The following IFT140 variants were observed in gnomAD, a reference collection of about 807,000 sequenced individuals.
The protein encoded by IFT140 is intraflagellar transport protein 140 homolog.
IFT140 carries 133 observed loss-of-function variants against 164.6 expected under a neutral mutation model. The observed-to-expected ratio is 0.81, with a 90% confidence interval of 0.70 to 0.93. The LOEUF (loss-of-function observed/expected upper bound fraction) is 0.93. Among genes scored for constraint, IFT140 ranks in the 40% least tolerant of loss-of-function variants. The pLI is 0.00. For synonymous variants in IFT140, 860 were observed against 817.3 expected, an observed-to-expected ratio of 1.05 and a Z score of -0.89; for missense variants, 2,045 against 1,972.3, an observed-to-expected ratio of 1.04 and a Z score of -0.70.
rs1010242310 is a variant in IFT140, at chr16:1,585,084, A to C, written c.1156-664T>G. On this transcript the variant is annotated intron_variant, in intron 10 of 30. Transcript: ENST00000426508. ...TAGAGAACAGGAACAGAGAGAAATC[A>C]TAAGAAAGAACCAAATGCTGCAGAG... Among the ~76,000 whole-genome samples the C allele has an allele frequency of 3.3e-5, 5 of 152,260 alleles. No homozygotes were observed. In the South Asian group the frequency reaches 8.3e-4, roughly 25 times the overall value.
At chr16:1,512,319 G>GTGCTCAGAT (rs1182160810) in intron 30 of IFT140, among the ~76,000 whole-genome samples, 1 of 152,070 alleles carries the variant, frequency 6.6e-6, no homozygotes, top group Non-Finnish European at 1.5e-5. Flanking sequence ...TGTGCGGGCT[G>GTGCTCAGAT]TGCTCAGATG....
intron 19 of IFT140, among the ~76,000 whole-genome samples, chr16:1,544,315 CT>C (rs1205100216): frequency 1.3e-5 from 2 of 151,966 alleles, no homozygotes; most frequent in Non-Finnish European, 2.9e-5. Context: ...TCCTGAGCAG[CT>C]GGGACTACAG....
intron 9 of IFT140, 56 bp from the exon 10 acceptor site, chr16:1,586,331 C>T (rs1371725629): frequency 6.5e-7 from 1 of 1,539,400 alleles, no homozygotes; most frequent in East Asian, 2.3e-5. Context: ...AACAAAACAG[C>T]AACAAGCTCT....
rs148904634 is a variant in IFT140, at chr16:1,566,274, A to G, written c.1788T>C (p.Asp596=). 2,090 of 1,613,584 alleles carry G rather than the reference A, an allele frequency of 1.3e-3. 5 individuals are homozygous for G. Among genetic ancestry groups the G allele is most frequent in the Non-Finnish European group, 1.7e-3 (1,986 of 1,179,574 alleles). ...CAACATCGTAGAAGCAGATTTTGGA[A>G]TCAGGGCTGTTGTCAGCCTAGGAGA... ...ILPSKADNSP[D]SKICFYDVEM... Residue 596 remains aspartate, a synonymous_variant, in exon 16 of 31, where the codon GAT becomes GAC. Transcript: ENST00000426508.
rs548992623 is a variant in IFT140 at position 1,525,900 on chromosome 16, G to A, written c.2755C>T (p.Arg919Trp). 14 of 1,548,176 alleles carry A rather than the reference G, an allele frequency of 9.0e-6. No individual in the cohort carries two copies. The highest frequency in any genetic ancestry group is 3.6e-5 in the South Asian group (3 of 84,268). The change falls in exon 21 of 31, where the codon CGG (arginine) becomes TGG (tryptophan). Residue 919 changes from arginine (R) to tryptophan (W), a missense_variant. Physicochemically the swap from Arg to Trp is moderately radical, Grantham distance 101. Coordinates refer to ENST00000426508, the MANE Select transcript of IFT140 (RefSeq NM_014714.4). ...GGCCGCACTCACTAACTGAGGGCCC[G>A]GCTGCAGTCGGCGCTGGCCTCCAGG... The part of the protein sequence containing the change: ...GHLEASADCS[R>W]ALSYYEKSDT...
chr16:1,520,577 C>T lies in IFT140; in HGVS notation c.3660+25G>A, dbSNP rs764319363. On this transcript the variant is annotated intron_variant, in intron 27 of 30. Coordinates refer to ENST00000426508, the MANE Select transcript of IFT140 (RefSeq NM_014714.4). The stretch of plus-strand genomic sequence containing the variant: ...AGCCTAACTGCCTGTGAGGTAGCCG[C>T]GGGCTGGGGCCGGGAGAGGCTCACC... The T allele has an allele frequency of 5.4e-5, 84 of 1,546,422 alleles. 1 individual carries two copies. Among genetic ancestry groups the T allele is most frequent in the South Asian group, 3.2e-4 (27 of 84,916 alleles).
chr16:1,586,013 C>T (rs2034855001), intron 10 of IFT140, 117 bp downstream of exon 10: 3 of 1,181,320 alleles, frequency 2.5e-6, no homozygotes, highest in Non-Finnish European at 3.7e-6. Flanking sequence ...CCTCATGATC[C>T]ACCCGCCTTG....
chr16:1,541,281 A>C (rs1302628313), intron 19 of IFT140: 1 of 984,696 alleles, frequency 1.0e-6, no homozygotes, highest in Admixed American at 6.1e-5. Context: ...CCAGGAGGTG[A>C]GGGGGGCAGG....
Position 1,583,313 on chromosome 16 carries a change from C to T in IFT140, c.1432+1G>A, listed in dbSNP as rs2034677038. The T allele has an allele frequency of 2.5e-6, 4 of 1,613,830 alleles. No homozygotes were observed. The highest frequency in any genetic ancestry group is 3.4e-6 in the Non-Finnish European group (4 of 1,179,834). On this transcript the variant is annotated splice_donor_variant, in intron 12 of 30. Coordinates refer to ENST00000426508, the MANE Select transcript of IFT140 (RefSeq NM_014714.4). LOFTEE classifies it high-confidence loss of function. ...CCTCTGTCCGGGTGAAAAGAACCCACCTGCACTCCGTATCGCGGCTCCAGA... is the reference window on the plus strand; with the variant it reads ...CCTCTGTCCGGGTGAAAAGAACCCATCTGCACTCCGTATCGCGGCTCCAGA...
intron 19 of IFT140, chr16:1,534,675 G>A (rs1257998008): frequency 1.2e-5 from 17 of 1,423,826 alleles, no homozygotes; most frequent in Admixed American, 3.9e-5. Context: ...TGCCCTGAGC[G>A]TGGCCTCTGG....
rs376781921 is a variant in IFT140, at chr16:1,523,368, G to A, written c.3453+150C>T. The A allele has an allele frequency of 3.5e-5, 26 of 732,624 alleles. No individual in the cohort carries two copies. In the East Asian group the frequency reaches 3.8e-4, roughly 11 times the overall value. The allele number at this position is 732,624 out of a possible 1,614,324, so 45.4% of individuals were successfully genotyped here. ...CACTTGCGGACCTCCTGGGTGTGCCGTATGTGAAACCTAGGGCAGGGGGCA... is the reference window on the plus strand; with the variant it reads ...CACTTGCGGACCTCCTGGGTGTGCCATATGTGAAACCTAGGGCAGGGGGCA... On this transcript the variant is annotated intron_variant, in intron 26 of 30. Transcript: ENST00000426508.
At position 1,564,560 on chromosome 16, in the gene IFT140, T is replaced by C. The variant is rs1339289874; in HGVS notation, c.1902-398A>G. Among the ~76,000 whole-genome samples the C allele has an allele frequency of 6.6e-6, 1 of 152,170 alleles. No individual in the cohort carries two copies. Among genetic ancestry groups the C allele is most frequent in the East Asian group, 1.9e-4 (1 of 5,194 alleles). ...TGGCTCTGTGGTCATGCCGGGTTCC[T>C]TGTCCCCACCGGTCCCTGTGCCATG... On this transcript the variant is annotated intron_variant, in intron 16 of 30. Transcript: ENST00000426508. The surrounding 1 kb of genome is among the most constrained non-coding windows in gnomAD (Gnocchi z 5.5).
intron 19 of IFT140, chr16:1,541,982 G>A: frequency 6.2e-7 from 1 of 1,611,154 alleles, no homozygotes; most frequent in Non-Finnish European, 8.5e-7. Flanking sequence ...CCGCAGGCCA[G>A]CTCACCTTCC....
rs2032595597 is a variant in IFT140, at chr16:1,551,069, TTCC to T, written c.2399+6863_2399+6865del. Among the ~76,000 whole-genome samples, 1 of 152,210 alleles carries T rather than the reference TTCC, an allele frequency of 6.6e-6. No homozygotes were observed. The highest frequency in any genetic ancestry group is 2.4e-5 in the African/African-American group (1 of 41,456). On this transcript the variant is annotated intron_variant, in intron 19 of 30. Transcript: ENST00000426508. This position sits in a 1 kb window ranked among gnomAD's most constrained non-coding sequence, Gnocchi z 4.0. ...GGTCACTCAACTGCCAAGGCTGCTG[TTCC>T]TCCTCGCCTTTCCCGCAGCTCCACA...
Position 1,589,723 on chromosome 16 carries a change from C to T in IFT140, c.692G>A (p.Ser231Asn). The part of the protein sequence containing the change: ...GKTTQVVSAD[S>N]TIQMLFYMEK... ...CATGTAGAACAGCATCTGAATCGTG[C>T]TGTCTGCGGACACCACCTGAGTGGT... The change falls in exon 7 of 31, where the codon AGC (serine) becomes AAC (asparagine). Residue 231 changes from serine (S) to asparagine (N), a missense_variant. Physicochemically the swap from Ser to Asn is conservative, Grantham distance 46. Transcript: ENST00000426508. 1.2e-6 allele frequency: 2 copies of T among 1,614,214 alleles called. No homozygotes were observed. The highest frequency in any genetic ancestry group is 1.7e-6 in the Non-Finnish European group (2 of 1,180,036).
At chr16:1,601,052 C>T (rs1228719932) in intron 4 of IFT140, among the ~76,000 whole-genome samples, 2 of 152,086 alleles carry the variant, frequency 1.3e-5, no homozygotes, top group Admixed American at 6.6e-5. Flanking sequence ...CTCTTGACGT[C>T]AGCAGCTTGA....
intron 3 of IFT140, among the ~76,000 whole-genome samples, chr16:1,604,109 C>T (rs960831230): frequency 6.6e-6 from 1 of 152,178 alleles, no homozygotes; most frequent in Non-Finnish European, 1.5e-5. Context: ...ATGTTATAGG[C>T]TCCTGCAAGG....
At chr16:1,523,494 G>T in intron 26 of IFT140, 24 bp downstream of exon 26, 1 of 1,599,884 alleles carries the variant, frequency 6.3e-7, no homozygotes, top group South Asian at 1.1e-5. Flanking sequence ...GTGGAGCCGA[G>T]CCCAGGCCCC....
In IFT140 at chr16:1,555,260, C is replaced by T. The variant is rs1405705588; in HGVS notation, c.2399+2675G>A. 17 of 538,214 alleles carry T rather than the reference C, an allele frequency of 3.2e-5. 1 individual carries two copies. The highest frequency in any genetic ancestry group is 1.6e-4 in the South Asian group (7 of 44,630). The allele number at this position is 538,214 out of a possible 1,614,324, so 33.3% of individuals were successfully genotyped here. On this transcript the variant is annotated intron_variant, in intron 19 of 30. Transcript: ENST00000426508. The stretch of plus-strand genomic sequence containing the variant: ...CCTCCAGCTTTCCTGGTTAGCGCAA[C>T]GCGGCTCCACGACCACACGCACTTC...
Sources: allele counts gnomAD v4.1 joint callset (sites outside exome capture counted in the v4.1 genomes callset), GRCh38; gene constraint gnomAD v4.1.1; non-coding constraint Gnocchi (gnomAD v3.1); transcripts MANE v1.5; gene names NCBI Gene and HGNC (gene_info 2026-07-23, HGNC 2026-07-21).